The following GRM5 variants were observed in gnomAD, a reference collection of about 807,000 sequenced individuals.
GRM5 encodes glutamate metabotropic receptor 5.
Under a neutral mutation model 83.1 loss-of-function variants are expected in GRM5, and 19 were observed. That is an observed-to-expected ratio of 0.23 (90% CI 0.16 to 0.34). GRM5 has a LOEUF of 0.34. GRM5 is among the 10% of genes least tolerant of loss of function. The pLI, the probability that GRM5 is intolerant of heterozygous loss-of-function variation, is 1.00. For missense variants in GRM5, 1,160 were observed against 1,588.3 expected (o/e 0.73, Z 4.58); for synonymous variants, 675 against 633.6 (o/e 1.07, Z -0.98).
chr11:88,966,577 A>G (rs1309167701), intron 2 of GRM5, among the ~76,000 whole-genome samples: 1 of 152,142 alleles, frequency 6.6e-6, no homozygotes, highest in Non-Finnish European at 1.5e-5. Flanking sequence ...CACAAATTTG[A>G]CAAGTCAGAT....
At chr11:88,702,015 G>A (rs962202304) in intron 3 of GRM5, among the ~76,000 whole-genome samples, 3 of 151,968 alleles carry the variant, frequency 2.0e-5, no homozygotes, top group Non-Finnish European at 2.9e-5. Flanking sequence ...AGTCCAAAAA[G>A]GAAGGGATAA....
intron 3 of GRM5, among the ~76,000 whole-genome samples, chr11:88,706,861 C>CA (rs1174786440): frequency 6.6e-6 from 1 of 152,024 alleles, no homozygotes; most frequent in Admixed American, 6.6e-5. Flanking sequence ...GGAGGTGGTA[C>CA]TTAGTTAAAA....
intron 2 of GRM5, among the ~76,000 whole-genome samples, chr11:88,874,631 A>T (rs1217999581): frequency 6.6e-6 from 1 of 151,976 alleles, no homozygotes; most frequent in Non-Finnish European, 1.5e-5. Context: ...ACAGCAAAGG[A>T]AAAAATCAAG....
chr11:88,810,553 G>T (rs1440451550), intron 3 of GRM5, among the ~76,000 whole-genome samples: 3 of 152,032 alleles, frequency 2.0e-5, no homozygotes, highest in African/African-American at 7.2e-5. Flanking sequence ...AGATCGGTCA[G>T]GGAGCTGTTA....
At chr11:88,886,916 G>T (rs986539652) in intron 2 of GRM5, among the ~76,000 whole-genome samples, 3 of 152,110 alleles carry the variant, frequency 2.0e-5, no homozygotes, top group Admixed American at 2.0e-4. Flanking sequence ...GAGGAACAGA[G>T]GGTCACCCTC....
chr11:88,873,601 T>C (rs543035304), intron 2 of GRM5, among the ~76,000 whole-genome samples: 1 of 151,634 alleles, frequency 6.6e-6, no homozygotes, highest in Admixed American at 6.6e-5. Context: ...AACAACATGC[T>C]CCTGGGCAAC....
chr11:88,820,149 G>C (rs1943760651), intron 3 of GRM5, among the ~76,000 whole-genome samples: 1 of 151,780 alleles, frequency 6.6e-6, no homozygotes, highest in South Asian at 2.1e-4. Context: ...GGGAGGCCAA[G>C]GCAGGCAGAT....
intron 2 of GRM5, among the ~76,000 whole-genome samples, chr11:88,882,033 G>A (rs1184340381): frequency 6.6e-6 from 1 of 151,806 alleles, no homozygotes; most frequent in African/African-American, 2.4e-5. Flanking sequence ...CTTGAGCTCA[G>A]GACTTTGAGA....
At chr11:88,704,051 T>C (rs1394918406) in intron 3 of GRM5, among the ~76,000 whole-genome samples, 1 of 152,060 alleles carries the variant, frequency 6.6e-6, no homozygotes, top group East Asian at 1.9e-4. Flanking sequence ...TACTGTCCTC[T>C]CACTATATCT....
chr11:88,818,272 T>C (rs16914966), intron 3 of GRM5, among the ~76,000 whole-genome samples: 8,097 of 152,164 alleles, frequency 0.053, 402 homozygotes, highest in Admixed American at 0.16. Flanking sequence ...TATTGCTGGC[T>C]TTATTCAGCA....
At chr11:89,032,814 C>T (rs1941292976) in intron 2 of GRM5, among the ~76,000 whole-genome samples, 1 of 152,018 alleles carries the variant, frequency 6.6e-6, no homozygotes, top group Non-Finnish European at 1.5e-5. Context: ...TTGATGACTA[C>T]TCAGAGCTCC....
At chr11:88,885,147 TTTATCCTA>T (rs1333709184) in intron 2 of GRM5, among the ~76,000 whole-genome samples, 1 of 151,940 alleles carries the variant, frequency 6.6e-6, no homozygotes, top group Non-Finnish European at 1.5e-5. Flanking sequence ...CCATTCTTGT[TTTATCCTA>T]TTTTTTAGGC....
intron 3 of GRM5, among the ~76,000 whole-genome samples, chr11:88,846,110 T>A (rs1474910630): frequency 2.0e-5 from 3 of 152,234 alleles, no homozygotes; most frequent in African/African-American, 7.2e-5. Context: ...TTTGTAATAA[T>A]CATCGTAGTA....
At chr11:88,512,075 G>A (rs1273610877) in intron 9 of GRM5, 2 of 152,296 alleles carry the variant, frequency 1.3e-5, no homozygotes, top group African/African-American at 2.4e-5. Context: ...TGAACATGAT[G>A]GAACATAACT....
intron 8 of GRM5, among the ~76,000 whole-genome samples, chr11:88,545,808 C>T (rs1942375233): frequency 6.6e-6 from 1 of 152,058 alleles, no homozygotes; most frequent in African/African-American, 2.4e-5. Context: ...AGAAAGATAT[C>T]TTGAACATAT....
chr11:88,716,423 C>CAGTT (rs986963242), intron 3 of GRM5, among the ~76,000 whole-genome samples: 3 of 151,764 alleles, frequency 2.0e-5, no homozygotes, highest in Non-Finnish European at 4.4e-5. Context: ...ATTTGATCAG[C>CAGTT]AGTTAGAAAG....
intron 3 of GRM5, among the ~76,000 whole-genome samples, chr11:88,684,103 G>T (rs1336730019): frequency 6.6e-6 from 1 of 152,158 alleles, no homozygotes; most frequent in Non-Finnish European, 1.5e-5. Context: ...AAGAGGCTTT[G>T]GTGCAGAAAT....
At chr11:89,039,833 G>T (rs183929846) in intron 2 of GRM5, among the ~76,000 whole-genome samples, 6 of 152,260 alleles carry the variant, frequency 3.9e-5, no homozygotes, top group East Asian at 1.9e-4. Context: ...TATTGGTCTT[G>T]CCCTGTCACC....
intron 2 of GRM5, among the ~76,000 whole-genome samples, chr11:88,869,814 A>C (rs1329084876): frequency 1.3e-5 from 2 of 151,566 alleles, no homozygotes; most frequent in Non-Finnish European, 3.0e-5. Context: ...ATGCCTCTAT[A>C]AAAAAGAGGG....
Sources: gnomAD v4.1 joint callset for allele counts (sites outside exome capture counted in the v4.1 genomes callset) on GRCh38, gnomAD v4.1.1 for gene constraint, MANE v1.5 for transcripts, NCBI Gene and HGNC (gene_info 2026-07-23, HGNC 2026-07-21) for gene names.